The following FHIT variants were observed in gnomAD, a reference collection of about 807,000 sequenced individuals.
FHIT encodes bis(5'-adenosyl)-triphosphatase.
FHIT carries 19 observed loss-of-function variants against 17.9 expected under a neutral mutation model. The observed-to-expected ratio is 1.06, with a 90% confidence interval of 0.74 to 1.56. The LOEUF is 1.56. Ranked by LOEUF, FHIT falls within the 40% of genes most tolerant of loss-of-function variation. FHIT has a pLI of 0.00. For missense variants in FHIT, 248 were observed against 189.2 expected (o/e 1.31, Z -1.82); for synonymous variants, 81 against 69.7 (o/e 1.16, Z -0.81).
intron 2 of FHIT, among the ~76,000 whole-genome samples, chr3:61,065,993 A>G (rs183982086): frequency 1.3e-5 from 2 of 152,254 alleles, no homozygotes; most frequent in East Asian, 3.9e-4. Flanking sequence ...TTAGCTTACA[A>G]TTCTGGAGTC....
intron 2 of FHIT, among the ~76,000 whole-genome samples, chr3:61,158,608 G>A (rs2037599286): frequency 6.7e-6 from 1 of 149,818 alleles, no homozygotes; most frequent in South Asian, 2.2e-4. Context: ...GTCCTCACAT[G>A]CTCCCTCCTT....
chr3:60,036,404 G>T (rs1345890209), intron 5 of FHIT, among the ~76,000 whole-genome samples: 1 of 152,100 alleles, frequency 6.6e-6, no homozygotes. Flanking sequence ...TTGGAATTCC[G>T]TGTTTCCCAT....
At chr3:60,278,174 G>A (rs1707251353) in intron 5 of FHIT, among the ~76,000 whole-genome samples, 1 of 152,200 alleles carries the variant, frequency 6.6e-6, no homozygotes, top group Non-Finnish European at 1.5e-5. Context: ...AGTCTTAGGG[G>A]AGACTATACT....
chr3:59,837,858 T>G (rs1575571151), intron 8 of FHIT, among the ~76,000 whole-genome samples: 1 of 151,400 alleles, frequency 6.6e-6, no homozygotes, highest in Admixed American at 6.6e-5. Context: ...TGTGGGGGGG[T>G]GGTGTGGGAA....
intron 5 of FHIT, among the ~76,000 whole-genome samples, chr3:60,278,392 C>A (rs1707270153): frequency 6.6e-6 from 1 of 152,180 alleles, no homozygotes; most frequent in Non-Finnish European, 1.5e-5. Flanking sequence ...TTTTAGCCTT[C>A]CTGTCTAATG....
intron 4 of FHIT, among the ~76,000 whole-genome samples, chr3:60,731,684 C>A (rs574174807): frequency 6.6e-6 from 1 of 152,170 alleles, no homozygotes; most frequent in Non-Finnish European, 1.5e-5. Context: ...CTTGATCCCA[C>A]GCACCCACCT....
rs542524289 is a variant in FHIT, at chr3:60,860,438, CATGTATATATGATACATATGTACATATAT to C, written c.-110-38456_-110-38428del. Among the ~76,000 whole-genome samples the C allele has an allele frequency of 8.8e-3, 1,072 of 122,488 alleles. 42 individuals are homozygous for C. The highest frequency in any genetic ancestry group is 0.029 in the African/African-American group (935 of 32,732). 80.4% of individuals were successfully genotyped at this position (122,488 alleles called of 152,430 possible). On this transcript the variant is annotated intron_variant, in intron 3 of 9. Coordinates refer to ENST00000492590, the MANE Select transcript of FHIT (RefSeq NM_002012.4). ...ATATGTATATATGATACATATATATCATGTATATATGATACATATGTACATATATATGTATATATGATACATATGTATCA... is the reference window on the plus strand; with the variant it reads ...ATATGTATATATGATACATATATATCATGTATATATGATACATATGTATCA...
intron 5 of FHIT, among the ~76,000 whole-genome samples, chr3:60,449,572 C>T (rs978428673): frequency 6.6e-6 from 1 of 151,968 alleles, no homozygotes; most frequent in African/African-American, 2.4e-5. Context: ...CTACTACATA[C>T]CCAGGCTATA....
In FHIT at chr3:60,660,715, T is replaced by C. The variant is rs1040215114; in HGVS notation, c.-17-123736A>G. ...CTCTGATGGCTAATGATGTGGAATA[T>C]CTTTTATTGTGCTCTTTTTTTTTTT... On this transcript the variant is annotated intron_variant, in intron 4 of 9. Transcript: ENST00000492590. Among the ~76,000 whole-genome samples, 4 of 147,184 alleles carry C rather than the reference T, an allele frequency of 2.7e-5. No individual in the cohort carries two copies. In the South Asian group the frequency reaches 8.6e-4, roughly 31 times the overall value.
chr3:60,023,681 G>A (rs538910778), intron 5 of FHIT, among the ~76,000 whole-genome samples: 1 of 152,132 alleles, frequency 6.6e-6, no homozygotes, highest in East Asian at 1.9e-4. Context: ...GGAGAGAGGA[G>A]ATTAAAGGTA....
intron 7 of FHIT, among the ~76,000 whole-genome samples, chr3:59,929,034 C>T (rs1262227858): frequency 9.5e-6 from 1 of 105,262 alleles, no homozygotes; most frequent in South Asian, 3.4e-4. Flanking sequence ...CAGATAATAA[C>T]AAATGCTGGC....
chr3:60,776,123 C>G (rs1171257351), intron 4 of FHIT, among the ~76,000 whole-genome samples: 1 of 152,168 alleles, frequency 6.6e-6, no homozygotes, highest in African/African-American at 2.4e-5. Flanking sequence ...GTTGTGAAAT[C>G]AAGCCTCCAT....
chr3:60,193,384 A>C (rs983311938), intron 5 of FHIT, among the ~76,000 whole-genome samples: 1 of 152,212 alleles, frequency 6.6e-6, no homozygotes, highest in African/African-American at 2.4e-5. Flanking sequence ...AGGCTAACAG[A>C]GGAGGAGACA....
At chr3:60,085,060 C>T (rs1000151576) in intron 5 of FHIT, among the ~76,000 whole-genome samples, 12 of 152,244 alleles carry the variant, frequency 7.9e-5, no homozygotes, top group African/African-American at 2.6e-4. Flanking sequence ...GGCTCCCTGT[C>T]GCCATGTTTG....
At chr3:61,209,532 T>C (rs1056582503) in intron 1 of FHIT, among the ~76,000 whole-genome samples, 5 of 152,018 alleles carry the variant, frequency 3.3e-5, no homozygotes, top group Admixed American at 6.6e-5. Context: ...ATTATTTTTT[T>C]TCTAAACTTC....
intron 5 of FHIT, among the ~76,000 whole-genome samples, chr3:60,379,206 T>G (rs1700702264): frequency 6.6e-6 from 1 of 152,190 alleles, no homozygotes; most frequent in African/African-American, 2.4e-5. Flanking sequence ...CAAGGCACCC[T>G]GAGGCCATAT....
chr3:60,903,503 T>C (rs1217765530), intron 3 of FHIT, among the ~76,000 whole-genome samples: 2 of 152,220 alleles, frequency 1.3e-5, no homozygotes, highest in Non-Finnish European at 2.9e-5. Flanking sequence ...CTAAGTTAGA[T>C]GGAAGGCATG....
At chr3:61,097,448 T>C (rs1440130452) in intron 2 of FHIT, among the ~76,000 whole-genome samples, 1 of 152,220 alleles carries the variant, frequency 6.6e-6, no homozygotes, top group African/African-American at 2.4e-5. Flanking sequence ...TTTATATTCC[T>C]TTGGGTATAT....
intron 8 of FHIT, among the ~76,000 whole-genome samples, chr3:59,818,325 A>T (rs1030124169): frequency 6.6e-6 from 1 of 151,992 alleles, no homozygotes; most frequent in Non-Finnish European, 1.5e-5. Context: ...AGCGTGTGCA[A>T]GGTTTGGGAA....
Sources: allele counts gnomAD v4.1 joint callset (sites outside exome capture counted in the v4.1 genomes callset), GRCh38; gene constraint gnomAD v4.1.1; transcripts MANE v1.5; gene names NCBI Gene and HGNC (gene_info 2026-07-23, HGNC 2026-07-21).